Variants in NTRK3 observed in about 807,000 individuals in gnomAD.
The protein encoded by NTRK3 is neurotrophic receptor tyrosine kinase 3.
In NTRK3, 24 loss-of-function variants were observed where a neutral mutation model predicts 91.7. The ratio of observed to expected loss-of-function variants is 0.26; its 90% CI spans 0.19 to 0.37. The LOEUF is 0.37. NTRK3 is among the 10% of genes least tolerant of loss of function. The probability of loss-of-function intolerance (pLI) is 1.00; values close to 1 mark genes in which losing one functional copy is unlikely to be tolerated. For synonymous variants in NTRK3, 483 were observed against 404.0 expected, an observed-to-expected ratio of 1.20 and a Z score of -2.34; for missense variants, 880 against 1,068.9, an observed-to-expected ratio of 0.82 and a Z score of 2.46.
At chr15:87,894,736 C>G (rs2066023367) in intron 17 of NTRK3, among the ~76,000 whole-genome samples, 1 of 152,120 alleles carries the variant, frequency 6.6e-6, no homozygotes, top group Non-Finnish European at 1.5e-5. Flanking sequence ...TAGTTCCTTC[C>G]CCACATATGC....
intron 17 of NTRK3, among the ~76,000 whole-genome samples, chr15:87,915,036 TTGGTGATGGTGATGA>T (rs2067350780): frequency 6.6e-6 from 1 of 151,744 alleles, no homozygotes; most frequent in African/African-American, 2.4e-5. Context: ...GATGGTGGCG[TTGGTGATGGTGATGA>T]TGGTGATGGT....
intron 14 of NTRK3, among the ~76,000 whole-genome samples, chr15:87,959,350 C>T (rs1489568459): frequency 1.3e-5 from 2 of 152,190 alleles, no homozygotes; most frequent in African/African-American, 2.4e-5. Context: ...AATAGATGAG[C>T]GGCTGCCTTT....
chr15:87,976,711 A>G (rs772547756), intron 14 of NTRK3, among the ~76,000 whole-genome samples: 1 of 152,218 alleles, frequency 6.6e-6, no homozygotes. Flanking sequence ...GGCAGCCCAC[A>G]TGAAACTTGC....
intron 13 of NTRK3, among the ~76,000 whole-genome samples, chr15:88,076,717 T>C (rs528505613): frequency 2.2e-5 from 3 of 138,806 alleles, no homozygotes; most frequent in South Asian, 4.8e-4. Context: ...ACGAATGCAA[T>C]GAAGGAAAAG....
chr15:88,176,111 T>C (rs1378857269), intron 5 of NTRK3, among the ~76,000 whole-genome samples: 1 of 151,636 alleles, frequency 6.6e-6, no homozygotes, highest in African/African-American at 2.4e-5. Context: ...GTGATATGCA[T>C]GTAATATTTG....
chr15:87,889,143 T>C (rs932296800), intron 17 of NTRK3, among the ~76,000 whole-genome samples: 11 of 152,186 alleles, frequency 7.2e-5, no homozygotes, highest in African/African-American at 2.7e-4. Flanking sequence ...CTTCTAGCTG[T>C]GGATCCCTGG....
intron 14 of NTRK3, among the ~76,000 whole-genome samples, chr15:87,985,360 T>C (rs2074668639): frequency 6.6e-6 from 1 of 152,214 alleles, no homozygotes; most frequent in Non-Finnish European, 1.5e-5. Context: ...CAGGACTTTT[T>C]AATATAGCTG....
At chr15:88,198,691 T>A (rs956158051) in intron 3 of NTRK3, among the ~76,000 whole-genome samples, 20 of 150,948 alleles carry the variant, frequency 1.3e-4, no homozygotes, top group African/African-American at 4.7e-4. Flanking sequence ...CCATGCTCAG[T>A]TCTGCGCTCA....
At chr15:87,959,832 C>A (rs932314489) in intron 14 of NTRK3, among the ~76,000 whole-genome samples, 3 of 152,138 alleles carry the variant, frequency 2.0e-5, no homozygotes, top group African/African-American at 7.2e-5. Context: ...TAAGAGGGAG[C>A]CAAATGTGGA....
intron 5 of NTRK3, among the ~76,000 whole-genome samples, chr15:88,163,289 G>C (rs2044635312): frequency 2.0e-5 from 3 of 152,160 alleles, no homozygotes; most frequent in African/African-American, 7.2e-5. Flanking sequence ...TGGTGTTGTT[G>C]AGCTGATCTA....
chr15:88,136,368 T>C, intron 8 of NTRK3, 99 bp downstream of exon 8: 2 of 1,483,386 alleles, frequency 1.3e-6, no homozygotes, highest in Non-Finnish European at 1.9e-6. Context: ...CTATGTGTTT[T>C]TTCCTATAGT....
intron 10 of NTRK3, among the ~76,000 whole-genome samples, chr15:88,134,613 C>T (rs1157828406): frequency 6.6e-6 from 1 of 152,238 alleles, no homozygotes; most frequent in East Asian, 1.9e-4. Context: ...ACTGGACACA[C>T]TCTCAAGTCC....
chr15:87,883,814 A>G (rs2065381818), intron 17 of NTRK3, among the ~76,000 whole-genome samples: 1 of 151,498 alleles, frequency 6.6e-6, no homozygotes, highest in African/African-American at 2.4e-5. Flanking sequence ...ATTATTTGGT[A>G]AAGAAAAAAC....
At chr15:88,196,959 C>G (rs1225944522) in intron 3 of NTRK3, among the ~76,000 whole-genome samples, 2 of 152,074 alleles carry the variant, frequency 1.3e-5, no homozygotes, top group Non-Finnish European at 2.9e-5. Flanking sequence ...TCCCAAACTA[C>G]CTTCAATGAG....
chr15:87,914,468 T>C (rs1044042859), intron 17 of NTRK3, among the ~76,000 whole-genome samples: 16 of 152,196 alleles, frequency 1.1e-4, no homozygotes, highest in Admixed American at 3.3e-4. Flanking sequence ...CCAATGAGGA[T>C]TCATGTAAGA....
chr15:87,866,245 A>C (rs1349447158), exon 19 of NTRK3: 1 of 211,934 alleles, frequency 4.7e-6, no homozygotes. Context: ...TCCCTCTACC[A>C]CACTTTCCAT....
chr15:88,111,626 C>T (rs2051367456), intron 13 of NTRK3, among the ~76,000 whole-genome samples: 1 of 152,154 alleles, frequency 6.6e-6, no homozygotes. Context: ...CCTAGGTCTC[C>T]TTATATTCTG....
intron 14 of NTRK3, among the ~76,000 whole-genome samples, chr15:88,011,085 T>G (rs1481991529): frequency 2.6e-5 from 4 of 152,148 alleles, no homozygotes; most frequent in African/African-American, 9.7e-5. Context: ...TCTTATCCAG[T>G]ATTATCTTCA....
At chr15:87,881,701 G>C (rs1596068498) in intron 17 of NTRK3, among the ~76,000 whole-genome samples, 1 of 152,066 alleles carries the variant, frequency 6.6e-6, no homozygotes, top group African/African-American at 2.4e-5. Context: ...TTACAGGCTT[G>C]AGCCACCGCG....
Sources: allele counts gnomAD v4.1 joint callset (sites outside exome capture counted in the v4.1 genomes callset), GRCh38; gene constraint gnomAD v4.1.1; transcripts MANE v1.5; gene names NCBI Gene and HGNC (gene_info 2026-07-23, HGNC 2026-07-21).